SBF2: variants seen among roughly 807,000 people sequenced by gnomAD.
SBF2 encodes the protein SET binding factor 2, also known as myotubularin-related protein 13.
In SBF2, 112 loss-of-function variants were observed where a neutral mutation model predicts 225.2. The observed-to-expected ratio is 0.50, with a 90% CI of 0.43 to 0.58. The LOEUF is 0.58. Among genes scored for constraint, SBF2 ranks in the 20% least tolerant of loss-of-function variants. The pLI is 0.00. For missense variants in SBF2, 1,996 were observed against 2,206.2 expected (o/e 0.90, Z 1.91); for synonymous variants, 763 against 773.3 (o/e 0.99, Z 0.22).
intron 1 of SBF2, among the ~76,000 whole-genome samples, chr11:10,259,962 A>C (rs1961268734): frequency 1.3e-5 from 2 of 152,312 alleles, no homozygotes; most frequent in South Asian, 4.1e-4. Flanking sequence ...ATTTTAACCC[A>C]ACTAATGCCT....
chr11:10,187,280 C>T (rs1956962757), intron 2 of SBF2, among the ~76,000 whole-genome samples: 2 of 149,454 alleles, frequency 1.3e-5, no homozygotes, highest in East Asian at 4.0e-4. Flanking sequence ...CCTCTCTCTC[C>T]TCTCTCTCTC....
At chr11:10,131,829 A>T (rs901927541) in intron 2 of SBF2, among the ~76,000 whole-genome samples, 1 of 152,158 alleles carries the variant, frequency 6.6e-6, no homozygotes, top group Non-Finnish European at 1.5e-5. Flanking sequence ...TTCTCATTAC[A>T]GGGTATTTAG....
chr11:10,076,488 G>C (rs1951118165), intron 2 of SBF2, among the ~76,000 whole-genome samples: 1 of 152,206 alleles, frequency 6.6e-6, no homozygotes, highest in South Asian at 2.1e-4. Flanking sequence ...TTGGGTACAG[G>C]AGTTGGGCAC....
chr11:9,788,989 A>T, intron 35 of SBF2, 120 bp downstream of exon 35: 1 of 840,858 alleles, frequency 1.2e-6, no homozygotes, highest in Non-Finnish European at 2.0e-6. Context: ...GTTTCTTCAT[A>T]ACCATAACCC....
intron 1 of SBF2, among the ~76,000 whole-genome samples, chr11:10,243,584 A>C (rs1171936558): frequency 6.6e-6 from 1 of 151,996 alleles, no homozygotes; most frequent in Non-Finnish European, 1.5e-5. Context: ...GAGAAAAAAA[A>C]CAAAAGAAGA....
At chr11:10,219,469 G>T (rs1958260276) in intron 1 of SBF2, among the ~76,000 whole-genome samples, 2 of 152,136 alleles carry the variant, frequency 1.3e-5, no homozygotes, top group Non-Finnish European at 2.9e-5. Flanking sequence ...TGCCTTAAAG[G>T]TCTCTGACAT....
At chr11:10,153,617 T>G (rs1955326991) in intron 2 of SBF2, among the ~76,000 whole-genome samples, 1 of 152,024 alleles carries the variant, frequency 6.6e-6, no homozygotes. Flanking sequence ...CCTAAAAACT[T>G]GAAAATGTAA....
intron 16 of SBF2, among the ~76,000 whole-genome samples, chr11:9,905,611 C>T (rs35661733): frequency 1.2e-3 from 177 of 152,076 alleles, no homozygotes; most frequent in Non-Finnish European, 2.2e-3. Flanking sequence ...AAGATACATC[C>T]TTAAATTAGA....
chr11:10,124,962 G>A (rs1039160072), intron 2 of SBF2, among the ~76,000 whole-genome samples: 14 of 151,804 alleles, frequency 9.2e-5, no homozygotes, highest in African/African-American at 1.5e-4. Context: ...AAAATTAGCC[G>A]GGCGTGGTGG....
At chr11:10,243,709 T>C (rs1157670893) in intron 1 of SBF2, among the ~76,000 whole-genome samples, 1 of 152,002 alleles carries the variant, frequency 6.6e-6, no homozygotes, top group Non-Finnish European at 1.5e-5. Context: ...CCTAAACAGA[T>C]AAATTCCTAG....
At chr11:9,932,256 A>G (rs1368076694) in intron 16 of SBF2, among the ~76,000 whole-genome samples, 1 of 152,190 alleles carries the variant, frequency 6.6e-6, no homozygotes, top group Non-Finnish European at 1.5e-5. Context: ...GCAGGCCAAC[A>G]TTCAAATTCA....
chr11:9,808,338 T>A, intron 31 of SBF2, 153 bp from the exon 32 acceptor site: 1 of 682,332 alleles, frequency 1.5e-6, no homozygotes, highest in Non-Finnish European at 2.6e-6. Context: ...CCAATAAAAT[T>A]AATTTTGTAA....
intron 2 of SBF2, among the ~76,000 whole-genome samples, chr11:10,049,421 A>G (rs1253997157): frequency 5.3e-5 from 8 of 152,304 alleles, no homozygotes; most frequent in Non-Finnish European, 8.8e-5. Flanking sequence ...AGCCTGGCCA[A>G]CATGGTGAAA....
At chr11:10,118,193 T>G (rs1953255442) in intron 2 of SBF2, among the ~76,000 whole-genome samples, 1 of 152,242 alleles carries the variant, frequency 6.6e-6, no homozygotes, top group South Asian at 2.1e-4. Context: ...TTAGACAATT[T>G]AAACATCAGC....
intron 6 of SBF2, among the ~76,000 whole-genome samples, chr11:10,007,901 T>C (rs564508209): frequency 6.7e-4 from 102 of 152,324 alleles, no homozygotes; most frequent in African/African-American, 2.4e-3. Flanking sequence ...TATGGGACTT[T>C]ATGGAGGACC....
At chr11:9,833,981 GCTGTCTCGAACTCTCAA>G (rs1855578194) in intron 26 of SBF2, among the ~76,000 whole-genome samples, 1 of 150,520 alleles carries the variant, frequency 6.6e-6, no homozygotes, top group African/African-American at 2.5e-5. Flanking sequence ...TGTTGGTCAG[GCTGTCTCGAACTCTCAA>G]CCTCAGGTGA....
intron 2 of SBF2, among the ~76,000 whole-genome samples, chr11:10,109,453 C>T (rs901683724): frequency 1.3e-5 from 2 of 152,156 alleles, no homozygotes; most frequent in African/African-American, 2.4e-5. Flanking sequence ...ATTTTTAGCT[C>T]GCATGCTTCT....
At chr11:10,270,994 CAAAAAAAA>C (rs1180184303) in intron 1 of SBF2, among the ~76,000 whole-genome samples, 6 of 27,690 alleles carry the variant, frequency 2.2e-4, no homozygotes, top group African/African-American at 3.8e-4. Flanking sequence ...GACTCTGTCT[CAAAAAAAA>C]AAAAAAAAAA....
At chr11:10,213,479 C>T (rs1958014384) in intron 1 of SBF2, among the ~76,000 whole-genome samples, 1 of 152,212 alleles carries the variant, frequency 6.6e-6, no homozygotes, top group South Asian at 2.1e-4. Context: ...AATTAGATTC[C>T]TCCTTTCCTG....
Sources: allele counts gnomAD v4.1 joint callset (sites outside exome capture counted in the v4.1 genomes callset), GRCh38; gene constraint gnomAD v4.1.1; transcripts MANE v1.5; gene names NCBI Gene and HGNC (gene_info 2026-07-23, HGNC 2026-07-21).